Variants in ARHGAP26 observed in about 807,000 individuals in gnomAD.
The protein encoded by ARHGAP26 is Rho GTPase activating protein 26, also known as rho GTPase-activating protein 26.
In ARHGAP26, 38 loss-of-function variants were observed where a neutral mutation model predicts 104.8. That is an observed-to-expected ratio of 0.36 (90% CI 0.28 to 0.48). The LOEUF is 0.48. Ranked by LOEUF, ARHGAP26 falls within the 20% of genes least tolerant of loss-of-function variation. The probability of loss-of-function intolerance (pLI) is 0.99; values close to 1 mark genes in which losing one functional copy is unlikely to be tolerated. For synonymous variants in ARHGAP26, 341 were observed against 340.0 expected (o/e 1.00, Z -0.03); for missense variants, 704 against 947.9 (o/e 0.74, Z 3.38).
chr5:143,185,392 A>C (rs186272862), intron 20 of ARHGAP26, among the ~76,000 whole-genome samples: 1 of 152,240 alleles, frequency 6.6e-6, no homozygotes. Flanking sequence ...TAGAAACAAC[A>C]AAGTTTCTTT....
chr5:142,818,968 A>T (rs1160893862), intron 1 of ARHGAP26, among the ~76,000 whole-genome samples: 1 of 151,688 alleles, frequency 6.6e-6, no homozygotes, highest in Non-Finnish European at 1.5e-5. Context: ...CCTTCCTTCA[A>T]CTCCACCTGG....
chr5:142,979,182 C>T (rs37193), intron 11 of ARHGAP26, among the ~76,000 whole-genome samples: 8,211 of 152,212 alleles, frequency 0.054, 472 homozygotes, highest in East Asian at 0.26. Flanking sequence ...ACGTTATTAG[C>T]TTAAAGAAGA....
At chr5:142,899,780 T>C (rs1760031868) in intron 6 of ARHGAP26, among the ~76,000 whole-genome samples, 1 of 151,778 alleles carries the variant, frequency 6.6e-6, no homozygotes, top group African/African-American at 2.4e-5. Context: ...AAAATAGCAA[T>C]ATGTTAAGGA....
At chr5:143,110,295 A>C (rs1025311132) in intron 17 of ARHGAP26, among the ~76,000 whole-genome samples, 1 of 152,234 alleles carries the variant, frequency 6.6e-6, no homozygotes, top group Non-Finnish European at 1.5e-5. Flanking sequence ...TGTCTTGTTC[A>C]CCAGTATATC....
In ARHGAP26 at chr5:142,907,789, G is replaced by A; in HGVS notation, c.918G>A (p.Lys306=). 3 of 1,609,854 alleles carry A rather than the reference G, an allele frequency of 1.9e-6. No individual in the cohort carries two copies. The highest frequency in any genetic ancestry group is 2.5e-6 in the Non-Finnish European group (3 of 1,177,166). The change falls in exon 9 of 23, where the codon AAG becomes AAA. Residue 306 remains lysine, a synonymous_variant. Transcript: ENST00000645722. ...KQITMVPFDQ[K]SGGKGGEDES... ...TCACCATGGTACCATTTGACCAAAA[G>A]TCAGGAGGAAAAGGGGTGAGTTCAT...
intron 20 of ARHGAP26, among the ~76,000 whole-genome samples, chr5:143,203,919 G>A (rs1808168162): frequency 6.6e-6 from 1 of 152,086 alleles, no homozygotes; most frequent in Admixed American, 6.5e-5. Flanking sequence ...GGCCTGTCAG[G>A]GGGTAGGGGG....
intron 17 of ARHGAP26, chr5:143,103,211 A>G (rs780783136): frequency 1.4e-4 from 135 of 984,704 alleles, no homozygotes; most frequent in Non-Finnish European, 1.6e-4. Flanking sequence ...TGGGACCTTA[A>G]AAGTCACTGG....
Position 142,770,690 on chromosome 5 carries a change from G to A in ARHGAP26, c.-72G>A. ...GGGGAGCCGGCCGGGGTCCCGCCGC[G>A]TGAGTGCTCTGGGCGGCGGGCGGCC... On this transcript the variant is annotated 5_prime_UTR_variant, in exon 1 of 23. It adds an upstream start codon to the 5' untranslated region. Coordinates refer to ENST00000645722, the MANE Select transcript of ARHGAP26 (RefSeq NM_001135608.3). 1 of 1,045,084 alleles carries A rather than the reference G, an allele frequency of 9.6e-7. No homozygotes were observed. Among genetic ancestry groups the A allele is most frequent in the Non-Finnish European group, 1.2e-6 (1 of 857,210 alleles). The allele number at this position is 1,045,084 out of a possible 1,614,324, so 64.7% of individuals were successfully genotyped here.
intron 10 of ARHGAP26, among the ~76,000 whole-genome samples, chr5:142,926,817 T>C (rs957540885): frequency 2.6e-5 from 4 of 152,290 alleles, no homozygotes; most frequent in South Asian, 2.1e-4. Flanking sequence ...ATTTTAACCT[T>C]ACCCCATACT....
At chr5:143,038,337 T>G (rs984451090) in intron 13 of ARHGAP26, among the ~76,000 whole-genome samples, 1 of 152,176 alleles carries the variant, frequency 6.6e-6, no homozygotes, top group Admixed American at 6.5e-5. Context: ...TCAAAAGATA[T>G]TTTTTCCAAA....
chr5:142,821,366 G>A (rs1766153847), intron 1 of ARHGAP26, among the ~76,000 whole-genome samples: 2 of 145,644 alleles, frequency 1.4e-5, no homozygotes, highest in South Asian at 4.5e-4. Flanking sequence ...AGAGGTGGGA[G>A]GTTCTTTTGA....
chr5:143,017,931 A>G (rs192835011), intron 12 of ARHGAP26, among the ~76,000 whole-genome samples: 144 of 152,262 alleles, frequency 9.5e-4, no homozygotes, highest in African/African-American at 3.3e-3. Context: ...ACTCTCTTGT[A>G]TTGTTCTCCA....
At chr5:142,858,059 A>ATC (rs1222720765) in intron 1 of ARHGAP26, among the ~76,000 whole-genome samples, 9 of 92,590 alleles carry the variant, frequency 9.7e-5, no homozygotes, top group African/African-American at 5.2e-4. Context: ...GAGAGAGAGA[A>ATC]TCTGTGTGTG....
intron 11 of ARHGAP26, among the ~76,000 whole-genome samples, chr5:142,932,418 C>CT (rs1407080145): frequency 2.0e-5 from 3 of 152,206 alleles, no homozygotes; most frequent in Non-Finnish European, 4.4e-5. Flanking sequence ...AGTAACTTAC[C>CT]TCCCCTTATA....
intron 22 of ARHGAP26, 100 bp from the exon 23 acceptor site, chr5:143,222,255 ACAC>A: frequency 8.6e-6 from 1 of 116,050 alleles, no homozygotes; most frequent in East Asian, 7.6e-4. Context: ...ATACACACAC[ACAC>A]ACACACACAC....
chr5:143,133,470 G>T (rs1375267902), intron 18 of ARHGAP26, among the ~76,000 whole-genome samples: 1 of 152,182 alleles, frequency 6.6e-6, no homozygotes, highest in Non-Finnish European at 1.5e-5. Context: ...TGAGGATTGG[G>T]AAATGGTGCC....
chr5:143,143,683 A>C (rs1421988164), intron 19 of ARHGAP26, among the ~76,000 whole-genome samples: 2 of 152,174 alleles, frequency 1.3e-5, no homozygotes, highest in African/African-American at 2.4e-5. Context: ...TATTTATCTT[A>C]TAACCATTCA....
chr5:142,834,155 C>T (rs1245484540), intron 1 of ARHGAP26, among the ~76,000 whole-genome samples: 1 of 152,220 alleles, frequency 6.6e-6, no homozygotes, highest in Non-Finnish European at 1.5e-5. Flanking sequence ...TTATTTTAAA[C>T]TATTTAAATG....
At chr5:143,155,271 T>C (rs946170971) in intron 20 of ARHGAP26, among the ~76,000 whole-genome samples, 2 of 152,196 alleles carry the variant, frequency 1.3e-5, no homozygotes, top group Non-Finnish European at 2.9e-5. Context: ...CTCTGTCACC[T>C]CAGGCTCCTG....
Sources: allele counts gnomAD v4.1 joint callset (sites outside exome capture counted in the v4.1 genomes callset), GRCh38; gene constraint gnomAD v4.1.1; transcripts MANE v1.5; gene names NCBI Gene and HGNC (gene_info 2026-07-23, HGNC 2026-07-21).